INO80D: variants seen among roughly 807,000 people sequenced by gnomAD.
INO80D encodes INO80 complex subunit D.
INO80D carries 21 observed loss-of-function variants against 87.6 expected under a neutral mutation model. The observed-to-expected ratio is 0.24, with a 90% CI of 0.17 to 0.35. The LOEUF (loss-of-function observed/expected upper bound fraction) is 0.35. Ranked by LOEUF, INO80D falls within the 10% of genes least tolerant of loss-of-function variation. The probability of loss-of-function intolerance (pLI) is 1.00; values close to 1 mark genes in which losing one functional copy is unlikely to be tolerated. For synonymous variants in INO80D, 440 were observed against 491.0 expected (o/e 0.90, Z 1.37); for missense variants, 982 against 1,280.7 (o/e 0.77, Z 3.56).
intron 8 of INO80D, among the ~76,000 whole-genome samples, chr2:206,013,350 G>A (rs964227955): frequency 7.9e-5 from 12 of 151,966 alleles, no homozygotes; most frequent in Non-Finnish European, 1.8e-4. Context: ...TCAGGAGATC[G>A]AGATCTTCCT....
chr2:206,004,474 A>T lies in INO80D; in HGVS notation c.2978T>A (p.Leu993Gln). 6.2e-7 allele frequency: 1 copy of T among 1,606,950 alleles called. No homozygotes were observed. The highest frequency in any genetic ancestry group is 8.5e-7 in the Non-Finnish European group (1 of 1,176,726). Residue 993 changes from leucine (L) to glutamine (Q), a missense_variant, in exon 11 of 11, where the codon CTG (leucine) becomes CAG (glutamine). Physicochemically the swap from Leu to Gln is moderately radical, Grantham distance 113 (BLOSUM62 -2). Transcript: ENST00000403263. This position sits in a 1 kb window ranked among gnomAD's most constrained non-coding sequence, Gnocchi z 4.9. Reference protein sequence around the residue: ...LSSHSGIPKDLQPSHSSIAPP... With the variant: ...LSSHSGIPKDQQPSHSSIAPP... Reference sequence around the variant, plus strand: ...GGCTATAGAGCTGTGGCTGGGCTGCAGGTCCTTAGGAATGCCACTGTGAGA... The same window carrying T: ...GGCTATAGAGCTGTGGCTGGGCTGCTGGTCCTTAGGAATGCCACTGTGAGA...
rs1394929397 is a variant in INO80D at position 206,002,561 on chromosome 2, G to A, written c.*1807C>T. 2.0e-5 allele frequency: 3 copies of A among 152,138 alleles called. No homozygotes were observed. Among genetic ancestry groups the A allele is most frequent in the Non-Finnish European group, 4.4e-5 (3 of 68,032 alleles). 9.4% of individuals were successfully genotyped at this position (152,138 alleles called of 1,614,324 possible). Reference sequence around the variant, plus strand: ...ATAGGGCATATAATGATTTCATACAGTCATGTGACATTTCCCCTCCATAAC... The same window carrying A: ...ATAGGGCATATAATGATTTCATACAATCATGTGACATTTCCCCTCCATAAC... On this transcript the variant is annotated 3_prime_UTR_variant, in exon 11 of 11. Transcript: ENST00000403263.
Position 206,056,659 on chromosome 2 carries a change from T to C in INO80D, c.503A>G (p.Lys168Arg). Residue 168 changes from lysine to arginine, a missense_variant, in exon 4 of 11, where the codon AAG becomes AGG. Transcript: ENST00000403263. ...DDLKKGATVR[K>R]KLQSKLAQNR... The stretch of plus-strand genomic sequence containing the variant: ...CTGGGCCAACTTGCTCTGCAACTTC[T>C]TTCTCACAGTTGCCCCTTTCTTTAG... 6.2e-7 allele frequency: 1 copy of C among 1,613,162 alleles called. No homozygotes were observed. The highest frequency in any genetic ancestry group is 1.1e-5 in the South Asian group (1 of 90,880).
At chr2:206,029,966 T>C (rs1010445649) in intron 5 of INO80D, among the ~76,000 whole-genome samples, 1 of 152,222 alleles carries the variant, frequency 6.6e-6, no homozygotes, top group African/African-American at 2.4e-5. Flanking sequence ...TTCAGACTCC[T>C]ACAAACTACC....
At chr2:206,057,970 ATC>A (rs1407039026) in intron 3 of INO80D, among the ~76,000 whole-genome samples, 3 of 150,090 alleles carry the variant, frequency 2.0e-5, no homozygotes, top group African/African-American at 7.3e-5. Flanking sequence ...AAGATCACAT[ATC>A]TCTGTTTTTC....
intron 4 of INO80D, among the ~76,000 whole-genome samples, chr2:206,055,279 A>G (rs1005107690): frequency 2.6e-5 from 4 of 152,246 alleles, no homozygotes; most frequent in African/African-American, 9.6e-5. Flanking sequence ...CAATCAAACT[A>G]TTAATAGAAA....
At chr2:206,013,878 G>A (rs970735171) in intron 8 of INO80D, among the ~76,000 whole-genome samples, 4 of 146,838 alleles carry the variant, frequency 2.7e-5, no homozygotes, top group East Asian at 2.0e-4. Context: ...GCCTATATTC[G>A]CTGGGCATGG....
chr2:206,083,860 C>CAAA (rs35840816), intron 1 of INO80D, among the ~76,000 whole-genome samples: 58 of 99,534 alleles, frequency 5.8e-4, no homozygotes, highest in South Asian at 1.5e-3. Context: ...CTAAGCTCAC[C>CAAA]AAAAAAAAAA....
chr2:206,050,958 A>G (rs1309105474), intron 4 of INO80D, among the ~76,000 whole-genome samples: 5 of 150,610 alleles, frequency 3.3e-5, no homozygotes, highest in Admixed American at 1.3e-4. Flanking sequence ...GACAGAGCGA[A>G]ACTCCGTCTC....
At position 206,057,326 on chromosome 2, in the gene INO80D, T is replaced by A. The variant is rs547500352; in HGVS notation, c.219-383A>T. Among the ~76,000 whole-genome samples, 5 of 152,312 alleles carry A rather than the reference T, an allele frequency of 3.3e-5. No individual in the cohort carries two copies. In the South Asian group the frequency reaches 1.0e-3, roughly 32 times the overall value. ...TCTTATGAGAAAAAATATATATATT[T>A]TCTAATGCCATTAAAGTATTCGGAG... On this transcript the variant is annotated intron_variant, in intron 3 of 10. Coordinates refer to ENST00000403263, the MANE Select transcript of INO80D (RefSeq NM_017759.5).
Position 206,004,440 on chromosome 2 carries a change from T to C in INO80D, c.3012A>G (p.Thr1004=), listed in dbSNP as rs757788709. Residue 1004 remains threonine (T), a synonymous_variant, in exon 11 of 11, where the codon ACA becomes ACG. Coordinates refer to ENST00000403263, the MANE Select transcript of INO80D (RefSeq NM_017759.5). The surrounding 1 kb of genome is among the most constrained non-coding windows in gnomAD (Gnocchi z 4.9). ...CTGTGGCACCTGTTACTGTGAAGCC[T>C]GTAGGAGGGGCTATAGAGCTGTGGC... The part of the protein sequence containing the change: ...QPSHSSIAPP[T]GFTVTGATAT... 20 of 1,605,402 alleles carry C rather than the reference T, an allele frequency of 1.2e-5. No homozygotes were observed. In the Admixed American group the frequency reaches 1.9e-4, roughly 15 times the overall value.
At position 205,997,237 on chromosome 2, in the gene INO80D, T is replaced by C. The variant is rs1241498408; in HGVS notation, c.*7131A>G. On this transcript the variant is annotated 3_prime_UTR_variant, in exon 11 of 11. Coordinates refer to ENST00000403263, the MANE Select transcript of INO80D (RefSeq NM_017759.5). Reference sequence around the variant, plus strand: ...CAACTTAAAACTCAAAATAAAGGGATGTATTTTTTTTTAATTCCATATGAA... The same window carrying C: ...CAACTTAAAACTCAAAATAAAGGGACGTATTTTTTTTTAATTCCATATGAA... 1 of 152,000 alleles carries C rather than the reference T, an allele frequency of 6.6e-6. No homozygotes were observed. Among genetic ancestry groups the C allele is most frequent in the East Asian group, 1.9e-4 (1 of 5,192 alleles). 9.4% of individuals were successfully genotyped at this position (152,000 alleles called of 1,614,324 possible). A position where few individuals can be genotyped will look rare whatever the true frequency, so the allele number is the denominator to read the frequency against.
chr2:206,031,602 G>A lies in INO80D; in HGVS notation c.1074-3267C>T, dbSNP rs140490566. 1.1e-3 allele frequency among the ~76,000 whole-genome samples: 171 copies of A among 152,320 alleles called. 1 individual carries two copies. Among genetic ancestry groups the A allele is most frequent in the Non-Finnish European group, 2.1e-3 (142 of 68,032 alleles). On this transcript the variant is annotated intron_variant, in intron 5 of 10. Transcript: ENST00000403263. ...TGGCCCTGCCTGCCTCCTGTGCTGC[G>A]CAGCACTTGCGGGTGCCCCAGATGG...
At chr2:206,009,553 T>C (rs1559430632) in intron 9 of INO80D, 24 bp downstream of exon 9, 2 of 1,558,924 alleles carry the variant, frequency 1.3e-6, no homozygotes, top group South Asian at 2.4e-5. Flanking sequence ...TAAAGAAAAA[T>C]TAGGTGCCAG....
chr2:206,075,300 CTA>C (rs1193725651), intron 1 of INO80D, among the ~76,000 whole-genome samples: 2 of 152,168 alleles, frequency 1.3e-5, no homozygotes, highest in Non-Finnish European at 2.9e-5. Context: ...TGTGGAATCT[CTA>C]TGTCACTGCT....
At chr2:206,057,039 C>T (rs17220727) in intron 3 of INO80D, 96 bp from the exon 4 acceptor site, 304,568 of 1,249,330 alleles carry the variant, frequency 0.24, 40,113 homozygotes, top group Non-Finnish European at 0.27. Flanking sequence ...TTAAAAATTG[C>T]GTCACTATAG....
At chr2:206,030,040 C>G (rs1241186724) in intron 5 of INO80D, among the ~76,000 whole-genome samples, 2 of 152,086 alleles carry the variant, frequency 1.3e-5, no homozygotes, top group South Asian at 2.1e-4. Context: ...TGAATTTTTC[C>G]CTGACCTCTG....
chr2:206,033,674 A>C (rs951550542), intron 5 of INO80D, among the ~76,000 whole-genome samples: 3 of 152,192 alleles, frequency 2.0e-5, no homozygotes, highest in African/African-American at 7.2e-5. Context: ...TCACACCTCA[A>C]GGAAGTAGAG....
Position 206,081,314 on chromosome 2 carries a change from A to C in INO80D, c.-124+4587T>G, listed in dbSNP as rs564181792. On this transcript the variant is annotated intron_variant, in intron 1 of 10. Transcript: ENST00000403263. ...AAGAGAAAAAGCACACGAAAGTGTTAAACAGTGGTTATCCTTTGAGTGGGA... is the reference window on the plus strand; with the variant it reads ...AAGAGAAAAAGCACACGAAAGTGTTCAACAGTGGTTATCCTTTGAGTGGGA... 2.0e-5 allele frequency among the ~76,000 whole-genome samples: 3 copies of C among 152,230 alleles called. No individual in the cohort carries two copies. In the East Asian group the frequency reaches 5.8e-4, roughly 29 times the overall value.
Sources: allele counts gnomAD v4.1 joint callset (sites outside exome capture counted in the v4.1 genomes callset), GRCh38; gene constraint gnomAD v4.1.1; non-coding constraint Gnocchi (gnomAD v3.1); transcripts MANE v1.5; gene names NCBI Gene and HGNC (gene_info 2026-07-23, HGNC 2026-07-21).